Variants in NRG2 observed in about 807,000 individuals in gnomAD.
The protein encoded by NRG2 is pro-neuregulin-2, membrane-bound isoform.
A neutral mutation model predicts 73.9 loss-of-function variants in NRG2; 27 were observed. That is an observed-to-expected ratio of 0.37 (90% CI 0.27 to 0.50). The LOEUF (loss-of-function observed/expected upper bound fraction) is 0.50. Among genes scored for constraint, NRG2 ranks in the 20% least tolerant of loss-of-function variants. The probability of loss-of-function intolerance (pLI) is 0.96; values close to 1 mark genes in which losing one functional copy is unlikely to be tolerated. For missense variants in NRG2, 1,126 were observed against 1,210.1 expected (o/e 0.93, Z 1.03); for synonymous variants, 532 against 541.0 (o/e 0.98, Z 0.23).
intron 1 of NRG2, among the ~76,000 whole-genome samples, chr5:139,990,061 T>A (rs969707045): frequency 6.6e-6 from 1 of 151,904 alleles, no homozygotes; most frequent in Non-Finnish European, 1.5e-5. Flanking sequence ...GTGCTGGGAT[T>A]ACAGGCGTGA....
chr5:140,015,054 T>C (rs1177191969), intron 1 of NRG2, among the ~76,000 whole-genome samples: 1 of 152,200 alleles, frequency 6.6e-6, no homozygotes, highest in Non-Finnish European at 1.5e-5. Flanking sequence ...CCTTACCTCC[T>C]TCCAGTTCTC....
chr5:139,863,750 C>G (rs866155141), intron 5 of NRG2, among the ~76,000 whole-genome samples: 1 of 152,196 alleles, frequency 6.6e-6, no homozygotes, highest in African/African-American at 2.4e-5. Flanking sequence ...GCAGAGCCTG[C>G]GTTCTAGAGA....
At position 140,042,897 on chromosome 5, in the gene NRG2, C is replaced by G. The variant is rs1035743308; in HGVS notation, c.173G>C (p.Arg58Pro). The change falls in exon 1 of 10, where the codon CGT becomes CCT. Residue 58 changes from arginine to proline, a missense_variant. Physicochemically the swap from Arg to Pro is moderately radical, Grantham distance 103. Transcript: ENST00000361474. The stretch of plus-strand genomic sequence containing the variant: ...CCGCGGCTCTGGGGGCGCAGCGGGA[C>G]GAGAGATGCTGCTGTTGTTGCTGCT... Reference protein sequence around the residue: ...RSSSNNSSISRPAAPPEPRPQ... With the variant: ...RSSSNNSSISPPAAPPEPRPQ... 1 of 1,530,838 alleles carries G rather than the reference C, an allele frequency of 6.5e-7. No homozygotes were observed. The highest frequency in any genetic ancestry group is 2.0e-5 in the Admixed American group (1 of 50,602). The allele number at this position is 1,530,838 out of a possible 1,614,324, so 94.8% of individuals were successfully genotyped here.
At chr5:139,903,245 C>T (rs1561668261) in intron 1 of NRG2, among the ~76,000 whole-genome samples, 1 of 152,152 alleles carries the variant, frequency 6.6e-6, no homozygotes, top group Non-Finnish European at 1.5e-5. Context: ...CCTGAGAATG[C>T]TACTTTGAAG....
chr5:139,921,842 A>T (rs1751689361), intron 1 of NRG2, among the ~76,000 whole-genome samples: 2 of 152,282 alleles, frequency 1.3e-5, no homozygotes, highest in Admixed American at 6.5e-5. Context: ...TCGGTGGATC[A>T]CTTGAGCTCA....
intron 2 of NRG2, among the ~76,000 whole-genome samples, chr5:139,886,425 T>C (rs1763877105): frequency 6.6e-6 from 1 of 151,884 alleles, no homozygotes; most frequent in Non-Finnish European, 1.5e-5. Flanking sequence ...CTAATTTGCA[T>C]TTTGTGTGTG....
At chr5:139,909,524 GTT>G in intron 1 of NRG2, among the ~76,000 whole-genome samples, 1 of 152,184 alleles carries the variant, frequency 6.6e-6, no homozygotes, top group Admixed American at 6.5e-5. Flanking sequence ...CTCCATCCCA[GTT>G]GAAGACATCC....
intron 1 of NRG2, among the ~76,000 whole-genome samples, chr5:139,901,352 T>C (rs1764878552): frequency 6.6e-6 from 1 of 152,166 alleles, no homozygotes; most frequent in Non-Finnish European, 1.5e-5. Flanking sequence ...GAGCAGAGCA[T>C]GAGGCATAGG....
chr5:140,017,857 C>A (rs913412437), intron 1 of NRG2, among the ~76,000 whole-genome samples: 1 of 152,008 alleles, frequency 6.6e-6, no homozygotes, highest in Non-Finnish European at 1.5e-5. Flanking sequence ...AGAGACAGAA[C>A]GTGCAGTAGA....
chr5:139,907,574 C>A (rs575072136), intron 1 of NRG2, among the ~76,000 whole-genome samples: 2 of 152,314 alleles, frequency 1.3e-5, no homozygotes, highest in East Asian at 3.9e-4. Context: ...CAGATGAAGA[C>A]AATTCTCCTG....
chr5:139,921,432 A>G (rs1012358143), intron 1 of NRG2, among the ~76,000 whole-genome samples: 1 of 152,252 alleles, frequency 6.6e-6, no homozygotes, highest in Non-Finnish European at 1.5e-5. Context: ...GAGCCCAGAA[A>G]TAGACCCACA....
chr5:140,042,845 G>A lies in NRG2; in HGVS notation c.225C>T (p.Ser75=). ...GGGCGGCGGCTCTCCGGGCTGCGGGGCTGCGGGGCTGCGGCTGTTGCTGCG... is the reference window on the plus strand; with the variant it reads ...GGGCGGCGGCTCTCCGGGCTGCGGGACTGCGGGGCTGCGGCTGTTGCTGCG... ...PRPQQQPQPR[S]PAARRAAARS... Residue 75 remains serine, a synonymous_variant, in exon 1 of 10, where the codon AGC becomes AGT. Coordinates refer to ENST00000361474, the MANE Select transcript of NRG2 (RefSeq NM_004883.3). 1 of 1,492,780 alleles carries A rather than the reference G, an allele frequency of 6.7e-7. No homozygotes were observed. The highest frequency in any genetic ancestry group is 8.9e-7 in the Non-Finnish European group (1 of 1,125,004). The allele number at this position is 1,492,780 out of a possible 1,614,324, so 92.5% of individuals were successfully genotyped here. A position where few individuals can be genotyped will look rare whatever the true frequency, so the allele number is the denominator to read the frequency against.
Position 139,865,837 on chromosome 5 carries a change from G to A in NRG2, c.1113-212C>T, listed in dbSNP as rs972297566. 6.6e-6 allele frequency among the ~76,000 whole-genome samples: 1 copy of A among 152,136 alleles called. No homozygotes were observed. The highest frequency in any genetic ancestry group is 2.4e-5 in the African/African-American group (1 of 41,430). Reference sequence around the variant, plus strand: ...CATAGATGTGGCTCCATGGGTGGTGGGGAAGGTGGGGTGGGTCAGGGGGAG... The same window carrying A: ...CATAGATGTGGCTCCATGGGTGGTGAGGAAGGTGGGGTGGGTCAGGGGGAG... On this transcript the variant is annotated intron_variant, in intron 4 of 9. Coordinates refer to ENST00000361474, the MANE Select transcript of NRG2 (RefSeq NM_004883.3). This position sits in a 1 kb window ranked among gnomAD's most constrained non-coding sequence, Gnocchi z 5.2.
intron 1 of NRG2, among the ~76,000 whole-genome samples, chr5:139,896,845 A>G (rs537135333): frequency 2.6e-5 from 4 of 152,150 alleles, no homozygotes; most frequent in African/African-American, 9.6e-5. Flanking sequence ...TTCCACCTCA[A>G]TGTGCCTCAC....
intron 1 of NRG2, among the ~76,000 whole-genome samples, chr5:139,979,326 A>T (rs748179873): frequency 3.9e-5 from 6 of 152,140 alleles, no homozygotes; most frequent in Admixed American, 6.5e-5. Context: ...TTTGATCACG[A>T]GTAGAGCCCC....
At chr5:139,877,291 C>G (rs549188448) in intron 3 of NRG2, among the ~76,000 whole-genome samples, 8 of 152,338 alleles carry the variant, frequency 5.3e-5, no homozygotes, top group African/African-American at 1.9e-4. Context: ...AAGGCCTACT[C>G]TAATTTGTGG....
intron 1 of NRG2, among the ~76,000 whole-genome samples, chr5:140,039,828 C>T (rs548291624): frequency 6.6e-6 from 1 of 152,290 alleles, no homozygotes; most frequent in African/African-American, 2.4e-5. Flanking sequence ...ACGGCCATGA[C>T]GACAGTTTCC....
rs534657881 is a variant in NRG2, at chr5:140,010,154, T to A, written c.700+32216A>T. Among the ~76,000 whole-genome samples the A allele has an allele frequency of 3.6e-3, 545 of 152,130 alleles. 2 individuals are homozygous for A. Among genetic ancestry groups the A allele is most frequent in the Non-Finnish European group, 6.2e-3 (422 of 67,964 alleles). On this transcript the variant is annotated intron_variant, in intron 1 of 9. Coordinates refer to ENST00000361474, the MANE Select transcript of NRG2 (RefSeq NM_004883.3). ...CTCTACTAAAAATACAAAAATTAGA[T>A]GGGCATGGTGGCAGGTGCCTGTAAT...
At chr5:139,907,719 G>A (rs1055961443) in intron 1 of NRG2, among the ~76,000 whole-genome samples, 1 of 152,210 alleles carries the variant, frequency 6.6e-6, no homozygotes, top group Non-Finnish European at 1.5e-5. Flanking sequence ...CTAGTGCTGA[G>A]GGAGGTTGGG....
Sources: gnomAD v4.1 joint callset for allele counts (sites outside exome capture counted in the v4.1 genomes callset) on GRCh38, gnomAD v4.1.1 for gene constraint, Gnocchi (gnomAD v3.1) non-coding constraint, MANE v1.5 for transcripts, NCBI Gene and HGNC (gene_info 2026-07-23, HGNC 2026-07-21) for gene names.